SGCZ: variants seen among roughly 807,000 people sequenced by gnomAD.
The protein encoded by SGCZ is sarcoglycan zeta.
A neutral mutation model predicts 41.3 loss-of-function variants in SGCZ; 40 were observed. The observed-to-expected ratio is 0.97, with a 90% CI of 0.75 to 1.26. The LOEUF (loss-of-function observed/expected upper bound fraction) is 1.26. Among genes scored for constraint, SGCZ ranks in the 50% most tolerant of loss-of-function variants. SGCZ has a pLI of 0.00. For synonymous variants in SGCZ, 206 were observed against 137.5 expected, an observed-to-expected ratio of 1.50 and a Z score of -3.49; for missense variants, 552 against 369.8, an observed-to-expected ratio of 1.49 and a Z score of -4.04.
chr8:15,007,578 C>T (rs998238803), intron 1 of SGCZ, among the ~76,000 whole-genome samples: 3 of 152,126 alleles, frequency 2.0e-5, no homozygotes, highest in African/African-American at 4.8e-5. Context: ...TCGTCTCATC[C>T]GTAAAATGGA....
chr8:14,280,727 C>G (rs1420561799), intron 3 of SGCZ, among the ~76,000 whole-genome samples: 2 of 151,196 alleles, frequency 1.3e-5, no homozygotes, highest in Non-Finnish European at 3.0e-5. Flanking sequence ...GGACATCTTT[C>G]AAACGAGGAA....
At chr8:14,144,068 C>A (rs1192283934) in intron 5 of SGCZ, among the ~76,000 whole-genome samples, 1 of 152,090 alleles carries the variant, frequency 6.6e-6, no homozygotes, top group Non-Finnish European at 1.5e-5. Flanking sequence ...GAGGACTTGC[C>A]AACTCTTGGC....
rs577131357 is a variant in SGCZ, at chr8:14,697,514, A to T, written c.40-142588T>A. Among the ~76,000 whole-genome samples, 157 of 152,210 alleles carry T rather than the reference A, an allele frequency of 1.0e-3. 2 individuals carry two copies. The highest frequency in any genetic ancestry group is 3.6e-3 in the African/African-American group (151 of 41,572). On this transcript the variant is annotated intron_variant, in intron 1 of 7. Transcript: ENST00000382080. ...CACACACAAAAGGTGCAATCCATGT[A>T]GTTAAAAAGTGTATAAACTTGTTCT... is the stretch of plus-strand genomic sequence containing the variant.
At chr8:14,102,104 AATT>A (rs1417820630) in intron 7 of SGCZ, among the ~76,000 whole-genome samples, 160 of 76,304 alleles carry the variant, frequency 2.1e-3, no homozygotes, top group Middle Eastern at 7.5e-3. Context: ...ATATATATAT[AATT>A]TTTTTTTTTT....
At chr8:15,020,451 A>G (rs1033006831) in intron 1 of SGCZ, among the ~76,000 whole-genome samples, 2 of 152,050 alleles carry the variant, frequency 1.3e-5, no homozygotes, top group Non-Finnish European at 2.9e-5. Context: ...GGCTGGGGAC[A>G]TGGGTGCATA....
chr8:14,465,350 C>T (rs1246005593), intron 2 of SGCZ, among the ~76,000 whole-genome samples: 4 of 151,556 alleles, frequency 2.6e-5, no homozygotes, highest in East Asian at 1.9e-4. Context: ...TCTTAAGAAT[C>T]TATTTTGTCT....
At position 14,618,346 on chromosome 8, in the gene SGCZ, C is replaced by A. The variant is rs563956723; in HGVS notation, c.40-63420G>T. 8.0e-4 allele frequency among the ~76,000 whole-genome samples: 122 copies of A among 152,168 alleles called. 1 individual carries two copies. Among genetic ancestry groups the A allele is most frequent in the South Asian group, 7.0e-3 (34 of 4,824 alleles). Reference sequence around the variant, plus strand: ...TTAAAACAGTTTACTCAAGGCAAGCCCTGTAGAAAGAACGGAATTAGAACT... The same window carrying A: ...TTAAAACAGTTTACTCAAGGCAAGCACTGTAGAAAGAACGGAATTAGAACT... On this transcript the variant is annotated intron_variant, in intron 1 of 7. Coordinates refer to ENST00000382080, the MANE Select transcript of SGCZ (RefSeq NM_139167.4).
chr8:14,143,658 C>G (rs947190085), intron 5 of SGCZ, among the ~76,000 whole-genome samples: 1 of 152,152 alleles, frequency 6.6e-6, no homozygotes, highest in African/African-American at 2.4e-5. Flanking sequence ...GAAAAATCAC[C>G]TTCATAAGAA....
intron 3 of SGCZ, among the ~76,000 whole-genome samples, chr8:14,304,951 C>T (rs1801305450): frequency 6.6e-6 from 1 of 151,846 alleles, no homozygotes; most frequent in South Asian, 2.1e-4. Flanking sequence ...GCAAAATTAT[C>T]AATAAATTAA....
At chr8:14,584,851 A>G (rs1420316308) in intron 1 of SGCZ, among the ~76,000 whole-genome samples, 2 of 152,106 alleles carry the variant, frequency 1.3e-5, no homozygotes, top group Non-Finnish European at 1.5e-5. Flanking sequence ...AGAGATAAGT[A>G]CTATTATTCC....
intron 1 of SGCZ, among the ~76,000 whole-genome samples, chr8:14,955,829 C>T (rs1800773709): frequency 6.6e-6 from 1 of 151,902 alleles, no homozygotes. Context: ...GTTGCAAGAG[C>T]CCACTTCTAC....
intron 1 of SGCZ, among the ~76,000 whole-genome samples, chr8:14,871,502 T>C (rs1307285401): frequency 1.3e-5 from 2 of 151,830 alleles, no homozygotes; most frequent in Non-Finnish European, 2.9e-5. Flanking sequence ...CCATCAATGA[T>C]AGACTGAATA....
intron 1 of SGCZ, among the ~76,000 whole-genome samples, chr8:15,212,142 C>T (rs80271478): frequency 6.6e-6 from 1 of 152,070 alleles, no homozygotes; most frequent in African/African-American, 2.4e-5. Context: ...GCCTAAATAA[C>T]AATATGTTCA....
chr8:14,754,595 A>G (rs1799599853), intron 1 of SGCZ, among the ~76,000 whole-genome samples: 1 of 152,242 alleles, frequency 6.6e-6, no homozygotes, highest in South Asian at 2.1e-4. Flanking sequence ...AAATAGCTGT[A>G]GAAGAATTGT....
chr8:14,099,439 G>A (rs6997103), intron 7 of SGCZ, among the ~76,000 whole-genome samples: 17,829 of 152,144 alleles, frequency 0.12, 1,343 homozygotes, highest in African/African-American at 0.22. Context: ...ACAAAAAATT[G>A]TTTTTGGTCA....
chr8:14,606,874 C>T (rs944172247), intron 1 of SGCZ, among the ~76,000 whole-genome samples: 1 of 151,728 alleles, frequency 6.6e-6, no homozygotes, highest in Admixed American at 6.6e-5. Flanking sequence ...CAAGTTTTTA[C>T]AGTTAAGACT....
chr8:14,885,111 G>C (rs1312633955), intron 1 of SGCZ, among the ~76,000 whole-genome samples: 2 of 152,148 alleles, frequency 1.3e-5, no homozygotes, highest in African/African-American at 4.8e-5. Flanking sequence ...TCCCATCCCA[G>C]GTGGGCTTTC....
At chr8:14,192,508 A>C (rs1225197437) in intron 4 of SGCZ, among the ~76,000 whole-genome samples, 2 of 151,904 alleles carry the variant, frequency 1.3e-5, no homozygotes, top group Non-Finnish European at 2.9e-5. Context: ...ATTTTATAAA[A>C]CTTACCCATA....
At chr8:15,072,617 G>T (rs985475329) in intron 1 of SGCZ, among the ~76,000 whole-genome samples, 3 of 152,130 alleles carry the variant, frequency 2.0e-5, no homozygotes, top group Admixed American at 2.0e-4. Flanking sequence ...TTGGGACAGA[G>T]GCCAGGAATT....
Sources: gnomAD v4.1 joint callset for allele counts (sites outside exome capture counted in the v4.1 genomes callset) on GRCh38, gnomAD v4.1.1 for gene constraint, MANE v1.5 for transcripts, NCBI Gene and HGNC (gene_info 2026-07-23, HGNC 2026-07-21) for gene names.